Variants in IAPP observed in about 807,000 individuals in gnomAD.
IAPP encodes the protein Islet amyloid polypeptide (diabetes-associated peptide; amylin).
A neutral mutation model predicts 2.9 loss-of-function variants in IAPP; 4 were observed. That is an observed-to-expected ratio of 1.39 (90% CI 0.69 to 3.19). IAPP has a LOEUF of 3.19. IAPP is among the 30% of genes most tolerant of loss of function. The pLI, the probability that IAPP is intolerant of heterozygous loss-of-function variation, is 0.01. For missense variants in IAPP, 114 were observed against 105.3 expected (o/e 1.08, Z -0.36); for synonymous variants, 40 against 42.1 (o/e 0.95, Z 0.19).
Position 21,375,216 on chromosome 12 carries a change from T to C in IAPP, c.80+1785T>C, listed in dbSNP as rs573983494. ...ATTACTTGTTATAAAATTATTTTGA[T>C]GTTAGTCTCACAATCTTTAACTTTG... On this transcript the variant is annotated intron_variant, in intron 2 of 2. Coordinates refer to ENST00000240652, the MANE Select transcript of IAPP (RefSeq NM_000415.3). Among the ~76,000 whole-genome samples the C allele has an allele frequency of 4.6e-5, 7 of 152,318 alleles. 1 individual carries two copies. Among genetic ancestry groups the C allele is most frequent in the African/African-American group, 1.7e-4 (7 of 41,582 alleles).
intron 2 of IAPP, chr12:21,373,734 G>A (rs567801214): frequency 8.6e-6 from 6 of 701,124 alleles, no homozygotes; most frequent in Non-Finnish European, 1.6e-5. Flanking sequence ...AAATCAAAAG[G>A]TAGTAATTTC....
upstream of IAPP, among the ~76,000 whole-genome samples, chr12:21,369,000 C>G (rs1441571726): frequency 6.6e-6 from 1 of 151,842 alleles, no homozygotes; most frequent in Non-Finnish European, 1.5e-5. Flanking sequence ...GTAGAAACAC[C>G]TAAAATAGTT....
At chr12:21,377,455 T>C (rs1440182390) in intron 2 of IAPP, among the ~76,000 whole-genome samples, 2 of 152,182 alleles carry the variant, frequency 1.3e-5, no homozygotes, top group African/African-American at 4.8e-5. Context: ...TTTTTAAGCA[T>C]GCAATACATT....
Position 21,373,839 on chromosome 12 carries a change from A to T in IAPP, c.80+408A>T. On this transcript the variant is annotated intron_variant, in intron 2 of 2. Coordinates refer to ENST00000240652, the MANE Select transcript of IAPP (RefSeq NM_000415.3). ...GATTCTTTTTGTATATATTACTTAGATTTTTGTTTTCCTCAGATGTCTCTG... is the reference window on the plus strand; with the variant it reads ...GATTCTTTTTGTATATATTACTTAGTTTTTTGTTTTCCTCAGATGTCTCTG... 9.4e-6 allele frequency: 5 copies of T among 530,518 alleles called. No homozygotes were observed. In the South Asian group the frequency reaches 1.7e-4, roughly 18 times the overall value. 32.9% of individuals were successfully genotyped at this position (530,518 alleles called of 1,614,324 possible). A position where few individuals can be genotyped will look rare whatever the true frequency, so the allele number is the denominator to read the frequency against.
chr12:21,363,591 A>C (rs911325951), intron 1 of IAPP, among the ~76,000 whole-genome samples: 1 of 152,206 alleles, frequency 6.6e-6, no homozygotes, highest in African/African-American at 2.4e-5. Flanking sequence ...CCCTTCAAAA[A>C]ATAAATTAAG....
intron 1 of IAPP, among the ~76,000 whole-genome samples, chr12:21,355,341 G>C (rs1272058651): frequency 6.6e-6 from 1 of 152,100 alleles, no homozygotes; most frequent in Admixed American, 6.6e-5. Flanking sequence ...CTAGAACTTA[G>C]ATAAGTTAAG....
chr12:21,378,322 T>G lies in IAPP; in HGVS notation c.166T>G (p.Phe56Val). 1.2e-6 allele frequency: 2 copies of G among 1,614,120 alleles called. No homozygotes were observed. Among genetic ancestry groups the G allele is most frequent in the Non-Finnish European group, 1.7e-6 (2 of 1,179,980 alleles). ...TTTTTTAGTTCATTCCAGCAACAAC[T>G]TTGGTGCCATTCTCTCATCTACCAA... is the stretch of plus-strand genomic sequence containing the variant. ...ANFLVHSSNN[F>V]GAILSSTNVG... The change falls in exon 3 of 3, where the codon TTT (phenylalanine) becomes GTT (valine). Residue 56 changes from phenylalanine (F) to valine (V), a missense_variant. Coordinates refer to ENST00000240652, the MANE Select transcript of IAPP (RefSeq NM_000415.3).
Position 21,360,571 on chromosome 12 carries a change from C to T in IAPP, c.-16+5558C>T, listed in dbSNP as rs141790461. Among the ~76,000 whole-genome samples, 97 of 152,180 alleles carry T rather than the reference C, an allele frequency of 6.4e-4. 1 individual carries two copies. Among genetic ancestry groups the T allele is most frequent in the African/African-American group, 2.3e-3 (96 of 41,562 alleles). ...GCTTGCCAGACAAGTGGGTGCAGCC[C>T]ACAGAGCTGGGCAGGGCATTGCCTC... On this transcript the variant is annotated intron_variant, in intron 1 of 2. Coordinates refer to the IAPP transcript ENST00000539393.
intron 1 of IAPP, among the ~76,000 whole-genome samples, chr12:21,356,698 G>A (rs1591875450): frequency 6.6e-6 from 1 of 152,206 alleles, no homozygotes; most frequent in East Asian, 1.9e-4. Context: ...TCATGAAGCA[G>A]AAAACACAGG....
intron 1 of IAPP, among the ~76,000 whole-genome samples, chr12:21,362,203 G>A (rs907437304): frequency 1.5e-4 from 23 of 152,154 alleles, no homozygotes; most frequent in Admixed American, 1.2e-3. Flanking sequence ...CGGGTCTCTC[G>A]GCAGAAACTC....
chr12:21,371,840 T>C (rs1165293963), upstream of IAPP, among the ~76,000 whole-genome samples: 1 of 151,828 alleles, frequency 6.6e-6, no homozygotes, highest in Non-Finnish European at 1.5e-5. Context: ...CCGTCTCCAC[T>C]AAAAATACAA....
At chr12:21,360,935 C>G (rs1246440446) in intron 1 of IAPP, among the ~76,000 whole-genome samples, 2 of 152,132 alleles carry the variant, frequency 1.3e-5, no homozygotes, top group African/African-American at 4.8e-5. Context: ...GGCCTGCCTG[C>G]CTCTGTAGAC....
At chr12:21,356,862 T>C (rs11045996) in intron 1 of IAPP, among the ~76,000 whole-genome samples, 208 of 152,284 alleles carry the variant, frequency 1.4e-3, no homozygotes, top group African/African-American at 4.9e-3. Context: ...TATAGAGTAG[T>C]GAGAACTTTT....
At chr12:21,360,686 C>A (rs576508854) in intron 1 of IAPP, among the ~76,000 whole-genome samples, 38 of 152,322 alleles carry the variant, frequency 2.5e-4, no homozygotes, top group African/African-American at 8.7e-4. Context: ...ACACTCCCAC[C>A]CTAATACTGC....
intron 1 of IAPP, among the ~76,000 whole-genome samples, chr12:21,358,685 A>G (rs1349062569): frequency 1.3e-5 from 2 of 151,796 alleles, no homozygotes; most frequent in Admixed American, 6.6e-5. Flanking sequence ...ACATGAAAAG[A>G]AGTCTACAAA....
chr12:21,368,438 T>G (rs553592603), upstream of IAPP, among the ~76,000 whole-genome samples: 2 of 151,496 alleles, frequency 1.3e-5, no homozygotes, highest in African/African-American at 4.9e-5. Flanking sequence ...AATGCAATCT[T>G]GTTTAGATCC....
chr12:21,376,561 T>C (rs1051067976), intron 2 of IAPP, among the ~76,000 whole-genome samples: 4 of 152,160 alleles, frequency 2.6e-5, no homozygotes, highest in Non-Finnish European at 4.4e-5. Context: ...AGATAATTTG[T>C]TCAAACATTT....
chr12:21,377,828 T>C (rs960437791), intron 2 of IAPP, among the ~76,000 whole-genome samples: 4 of 152,200 alleles, frequency 2.6e-5, no homozygotes, highest in Non-Finnish European at 4.4e-5. Flanking sequence ...ATTGGAAAGA[T>C]GTAGAAATAA....
Position 21,374,094 on chromosome 12 carries a change from T to C in IAPP, c.80+663T>C, listed in dbSNP as rs1227131903. Among the ~76,000 whole-genome samples the C allele has an allele frequency of 3.3e-5, 5 of 152,306 alleles. No individual in the cohort carries two copies. In the South Asian group the frequency reaches 1.0e-3, roughly 32 times the overall value. On this transcript the variant is annotated intron_variant, in intron 2 of 2. Transcript: ENST00000240652. Reference sequence around the variant, plus strand: ...CTATAAACTTAATACTTTTTAAAATTACTTTCAGTAGGTAGCATGTATGTC... The same window carrying C: ...CTATAAACTTAATACTTTTTAAAATCACTTTCAGTAGGTAGCATGTATGTC...
Sources: gnomAD v4.1 joint callset for allele counts (sites outside exome capture counted in the v4.1 genomes callset) on GRCh38, gnomAD v4.1.1 for gene constraint, MANE v1.5 for transcripts, NCBI Gene and HGNC (gene_info 2026-07-23, HGNC 2026-07-21) for gene names.